The following HMCN2 variants were observed in gnomAD, a reference collection of about 807,000 sequenced individuals.
HMCN2 encodes hemicentin-2.
HMCN2 carries 325 observed loss-of-function variants against 377.5 expected under a neutral mutation model. The ratio of observed to expected loss-of-function variants is 0.86; its 90% CI spans 0.79 to 0.94. The LOEUF is 0.94. Ranked by LOEUF, HMCN2 falls within the 40% of genes least tolerant of loss-of-function variation. The pLI, the probability that HMCN2 is intolerant of heterozygous loss-of-function variation, is 0.00. For synonymous variants in HMCN2, 2,007 were observed against 2,046.8 expected (o/e 0.98, Z 0.53); for missense variants, 4,543 against 4,725.3 (o/e 0.96, Z 1.13).
In HMCN2 at chr9:130,272,336, G is replaced by A. The variant is rs1214081237; in HGVS notation, c.259+6199G>A. Among the ~76,000 whole-genome samples the A allele has an allele frequency of 1.3e-5, 2 of 148,582 alleles. 1 individual carries two copies. Among genetic ancestry groups the A allele is most frequent in the Non-Finnish European group, 3.0e-5 (2 of 66,238 alleles). On this transcript the variant is annotated intron_variant, in intron 1 of 97. Transcript: ENST00000683500. ...GCCCACTGCAACCTCCACCTCCTGG[G>A]TTTAAGGAATTCTCCTGCCTCAGCC... is the stretch of plus-strand genomic sequence containing the variant.
Position 130,377,729 on chromosome 9 carries a change from G to C in HMCN2, c.8142G>C (p.Ser2714=), listed in dbSNP as rs992887057. 2 of 985,914 alleles carry C rather than the reference G, an allele frequency of 2.0e-6. No homozygotes were observed. The highest frequency in any genetic ancestry group is 2.4e-6 in the Non-Finnish European group (2 of 829,954). The allele number at this position is 985,914 out of a possible 1,614,324, so 61.1% of individuals were successfully genotyped here. The change falls in exon 53 of 98, where the codon TCG becomes TCC. Residue 2714 remains serine, a synonymous_variant. Coordinates refer to ENST00000683500, the MANE Select transcript of HMCN2 (RefSeq NM_001291815.2). ...TCCAGCCCACACAGGTCTCAGACTC[G>C]GGGCGGTACCTGTGTGTGGCCACCA... ...LQIQPTQVSD[S]GRYLCVATNV... is the part of the protein sequence containing the mutation.
intron 19 of HMCN2, among the ~76,000 whole-genome samples, chr9:130,324,664 G>A (rs1208989214): frequency 2.0e-5 from 3 of 151,792 alleles, no homozygotes; most frequent in Admixed American, 6.6e-5. Flanking sequence ...TCACTCTATG[G>A]CCCAGGCTGG....
Position 130,303,369 on chromosome 9 carries a change from G to A in HMCN2, c.1422-118G>A, listed in dbSNP as rs1189531895. On this transcript the variant is annotated intron_variant, in intron 9 of 97. Transcript: ENST00000683500. The surrounding 1 kb of genome is among the most constrained non-coding windows in gnomAD (Gnocchi z 5.2). ...GCTTGGCTGTGTATGTCTTCTTACC[G>A]CATCTCACAGAGGAATTGGGGTCTC... is the stretch of plus-strand genomic sequence containing the variant. 2.6e-5 allele frequency: 8 copies of A among 305,282 alleles called. No homozygotes were observed. In the Admixed American group the frequency reaches 3.0e-4, roughly 11 times the overall value. The allele number at this position is 305,282 out of a possible 1,614,324, so 18.9% of individuals were successfully genotyped here. A position where few individuals can be genotyped will look rare whatever the true frequency, so the allele number is the denominator to read the frequency against.
intron 4 of HMCN2, among the ~76,000 whole-genome samples, 187 bp from the exon 5 acceptor site, chr9:130,294,668 C>T (rs1554931250): frequency 1.3e-5 from 2 of 152,210 alleles, no homozygotes. Flanking sequence ...TGCCTCAATT[C>T]AGGCTTCACA....
Position 130,399,529 on chromosome 9 carries a change from C to G in HMCN2, c.11502C>G (p.Ala3834=), listed in dbSNP as rs1200082983. Residue 3834 remains alanine, a synonymous_variant, in exon 76 of 98, where the codon GCC becomes GCG. Transcript: ENST00000683500. ...QGAYRLLPSN[A]LLLTAPGPQD... is the part of the protein sequence containing the mutation. ...ACCCCAGGCTCCTGCCCTCCAACGC[C>G]CTGCTCCTCACGGCCCCCGGCCCCC... 1.6e-6 allele frequency: 2 copies of G among 1,289,054 alleles called. No individual in the cohort carries two copies. Among genetic ancestry groups the G allele is most frequent in the Non-Finnish European group, 2.0e-6 (2 of 988,286 alleles). The allele number at this position is 1,289,054 out of a possible 1,614,324, so 79.9% of individuals were successfully genotyped here. A position where few individuals can be genotyped will look rare whatever the true frequency, so the allele number is the denominator to read the frequency against.
intron 45 of HMCN2, 84 bp from the exon 46 acceptor site, chr9:130,370,880 G>A: frequency 3.5e-6 from 3 of 853,200 alleles, no homozygotes; most frequent in Non-Finnish European, 4.2e-6. Context: ...GTGGAGTTGG[G>A]GGGCAGTCAG....
At chr9:130,310,961 T>C (rs1837214003) in intron 15 of HMCN2, among the ~76,000 whole-genome samples, 2 of 152,116 alleles carry the variant, frequency 1.3e-5, no homozygotes, top group African/African-American at 4.8e-5. Flanking sequence ...GCTTAGTAAA[T>C]GCGGGGAGAG....
At chr9:130,329,528 C>T (rs1318795990) in intron 22 of HMCN2, among the ~76,000 whole-genome samples, 3 of 151,466 alleles carry the variant, frequency 2.0e-5, no homozygotes, top group South Asian at 2.1e-4. Context: ...CTGCAACCTC[C>T]GCCTCCCTGG....
At position 130,347,919 on chromosome 9, in the gene HMCN2, C is replaced by G; in HGVS notation, c.4024+559C>G. The G allele has an allele frequency of 1.2e-6, 1 of 834,290 alleles. No individual in the cohort carries two copies. The highest frequency in any genetic ancestry group is 1.4e-6 in the Non-Finnish European group (1 of 692,484). The allele number at this position is 834,290 out of a possible 1,614,324, so 51.7% of individuals were successfully genotyped here. A position where few individuals can be genotyped will look rare whatever the true frequency, so the allele number is the denominator to read the frequency against. On this transcript the variant is annotated intron_variant, in intron 26 of 97. Transcript: ENST00000683500. The surrounding 1 kb of genome is among the most constrained non-coding windows in gnomAD (Gnocchi z 5.1). ...CAGTGCAGAGCCCCAGAGCCCACCT[C>G]CGGGTTAAAACTGTTACCCCTGGTC...
Position 130,373,086 on chromosome 9 carries a change from T to C in HMCN2, c.7400T>C (p.Leu2467Pro), listed in dbSNP as rs953437413. Reference sequence around the variant, plus strand: ...GACTTGGAGGAGGTGATCAAGGTCCTTGATGGACAGACTGCCCATCTTATG... The same window carrying C: ...GACTTGGAGGAGGTGATCAAGGTCCCTGATGGACAGACTGCCCATCTTATG... The part of the protein sequence containing the change: ...NEDLEEVIKV[L>P]DGQTAHLMCN... Residue 2467 changes from leucine to proline, a missense_variant, in exon 48 of 98, where the codon CTT becomes CCT. Transcript: ENST00000683500. 6 of 978,046 alleles carry C rather than the reference T, an allele frequency of 6.1e-6. No homozygotes were observed. The highest frequency in any genetic ancestry group is 1.8e-5 in the African/African-American group (1 of 55,338). 60.6% of individuals were successfully genotyped at this position (978,046 alleles called of 1,614,324 possible). A position where few individuals can be genotyped will look rare whatever the true frequency, so the allele number is the denominator to read the frequency against.
intron 1 of HMCN2, among the ~76,000 whole-genome samples, chr9:130,274,304 C>G (rs1272794055): frequency 6.6e-6 from 1 of 152,192 alleles, no homozygotes; most frequent in East Asian, 1.9e-4. Context: ...GATCTGCCCA[C>G]CTCAGCCTCC....
intron 1 of HMCN2, among the ~76,000 whole-genome samples, chr9:130,280,541 C>T (rs1554925346): frequency 6.6e-6 from 1 of 151,900 alleles, no homozygotes; most frequent in Non-Finnish European, 1.5e-5. Context: ...GAGACAGAGG[C>T]CAACCTTAAA....
chr9:130,357,883 C>T lies in HMCN2; in HGVS notation c.5475C>T (p.Phe1825=), dbSNP rs976818230. 2.8e-5 allele frequency: 37 copies of T among 1,304,054 alleles called. No homozygotes were observed. Among genetic ancestry groups the T allele is most frequent in the Non-Finnish European group, 3.7e-5 (37 of 988,880 alleles). 80.8% of individuals were successfully genotyped at this position (1,304,054 alleles called of 1,614,324 possible). A position where few individuals can be genotyped will look rare whatever the true frequency, so the allele number is the denominator to read the frequency against. ...IIGGENITAP[F]LQPVTLQCIG... ...GGGGTGAGAACATCACAGCTCCTTTCCTGCAGCCTGTGACCCTCCAGTGCA... is the reference window on the plus strand; with the variant it reads ...GGGGTGAGAACATCACAGCTCCTTTTCTGCAGCCTGTGACCCTCCAGTGCA... The change falls in exon 35 of 98, where the codon TTC becomes TTT. Residue 1825 remains phenylalanine (F), a synonymous_variant. Transcript: ENST00000683500.
chr9:130,381,657 G>A (rs551632364), intron 54 of HMCN2, among the ~76,000 whole-genome samples: 53 of 152,170 alleles, frequency 3.5e-4, no homozygotes, highest in Admixed American at 9.2e-4. Context: ...GATTGTAGGC[G>A]AGAGCCACTG....
intron 54 of HMCN2, among the ~76,000 whole-genome samples, chr9:130,380,152 T>A (rs7040188): frequency 1.3e-5 from 2 of 152,174 alleles, no homozygotes; most frequent in Non-Finnish European, 2.9e-5. Flanking sequence ...CATGCTGGGA[T>A]TATAGGCGTG....
At position 130,427,320 on chromosome 9, in the gene HMCN2, C is replaced by T. The variant is rs752716788; in HGVS notation, c.13887C>T (p.Asn4629=). ...QLATALQAEE[N]EVGCPEGFEL... ...ATCCTCTTTGCTTTGCAGAGGAGAA[C>T]GAGGTCGGCTGCCCCGAGGGCTTTG... The change falls in exon 91 of 98, where the codon AAC becomes AAT. Residue 4629 remains asparagine (N), a synonymous_variant. Coordinates refer to ENST00000683500, the MANE Select transcript of HMCN2 (RefSeq NM_001291815.2). 27 of 1,550,386 alleles carry T rather than the reference C, an allele frequency of 1.7e-5. No individual in the cohort carries two copies. The highest frequency in any genetic ancestry group is 6.8e-5 in the African/African-American group (5 of 73,054).
intron 8 of HMCN2, among the ~76,000 whole-genome samples, chr9:130,300,921 C>T (rs1836470271): frequency 6.6e-6 from 1 of 152,250 alleles, no homozygotes; most frequent in Admixed American, 6.5e-5. Context: ...CATTGCCTTT[C>T]TCCTGCCCAC....
intron 1 of HMCN2, among the ~76,000 whole-genome samples, chr9:130,284,287 G>A (rs1554926757): frequency 1.3e-5 from 2 of 152,106 alleles, no homozygotes; most frequent in Admixed American, 6.6e-5. Context: ...TGGAGGTGGG[G>A]GTTCTTAGGA....
At chr9:130,425,619 TTCC>T in intron 89 of HMCN2, 65 bp from the exon 90 acceptor site, 1 of 1,020,126 alleles carries the variant, frequency 9.8e-7, no homozygotes, top group Non-Finnish European at 1.5e-6. Flanking sequence ...CCTCCTCCCC[TTCC>T]AACCCTGACC....
Sources: gnomAD v4.1 joint callset for allele counts (sites outside exome capture counted in the v4.1 genomes callset) on GRCh38, gnomAD v4.1.1 for gene constraint, Gnocchi (gnomAD v3.1) non-coding constraint, MANE v1.5 for transcripts, NCBI Gene and HGNC (gene_info 2026-07-23, HGNC 2026-07-21) for gene names.